DPY19L4: variants seen among roughly 807,000 people sequenced by gnomAD.
The protein encoded by DPY19L4 is probable C-mannosyltransferase DPY19L4.
Under a neutral mutation model 102.8 loss-of-function variants are expected in DPY19L4, and 97 were observed. That is an observed-to-expected ratio of 0.94 (90% CI 0.80 to 1.12). DPY19L4 has a LOEUF of 1.12. Ranked by LOEUF, DPY19L4 falls within the 50% of genes most tolerant of loss-of-function variation. The probability of loss-of-function intolerance (pLI) is 0.00; values close to 1 mark genes in which losing one functional copy is unlikely to be tolerated. For synonymous variants in DPY19L4, 252 were observed against 283.1 expected, an observed-to-expected ratio of 0.89 and a Z score of 1.10; for missense variants, 815 against 850.4, an observed-to-expected ratio of 0.96 and a Z score of 0.52.
rs1813916429 is a variant in DPY19L4, at chr8:94,792,537, TGCGCCCG to T, written c.*2632_*2638del. ...TGCTGGGATTACAGACGTGAGCCAC[TGCGCCCG>T]GCGCAAGTCTTTGTTAAAAGTAGAG... is the stretch of plus-strand genomic sequence containing the variant. On this transcript the variant is annotated 3_prime_UTR_variant, in exon 19 of 19. Transcript: ENST00000414645. The T allele has an allele frequency of 6.8e-6, 1 of 147,752 alleles. No homozygotes were observed. The highest frequency in any genetic ancestry group is 2.3e-4 in the East Asian group (1 of 4,430). The allele number at this position is 147,752 out of a possible 1,614,324, so 9.2% of individuals were successfully genotyped here. A position where few individuals can be genotyped will look rare whatever the true frequency, so the allele number is the denominator to read the frequency against.
intron 10 of DPY19L4, 51 bp from the exon 11 acceptor site, chr8:94,766,561 T>C: frequency 1.3e-6 from 2 of 1,554,468 alleles, no homozygotes; most frequent in African/African-American, 1.4e-5. Flanking sequence ...AAGCATATGT[T>C]TGTAAGCATA....
intron 6 of DPY19L4, among the ~76,000 whole-genome samples, chr8:94,747,881 A>C (rs532044575): frequency 6.6e-6 from 1 of 152,184 alleles, no homozygotes; most frequent in South Asian, 2.1e-4. Context: ...GTTTCTAAAC[A>C]TTAAAATGAA....
In DPY19L4 at chr8:94,756,915, C is replaced by A. The variant is rs527906284; in HGVS notation, c.735+756C>A. Among the ~76,000 whole-genome samples the A allele has an allele frequency of 2.8e-4, 43 of 152,262 alleles. No homozygotes were observed. In the South Asian group the frequency reaches 8.9e-3, roughly 32 times the overall value. ...TGGCACACGCCTGTAATCCCAGCTA[C>A]TTGGGAGGCTGAGGTGGGAGGATCC... On this transcript the variant is annotated intron_variant, in intron 7 of 18. Transcript: ENST00000414645.
rs1468666810 is a variant in DPY19L4, at chr8:94,780,352, A to G, written c.1576-7A>G. ...TATTTGTAATCCTTTTTGCTTTAAT[A>G]TTTTAGGCTCTTATTCTGAGCATGG... On this transcript the variant is annotated splice_polypyrimidine_tract_variant and splice_region_variant and intron_variant, in intron 14 of 18. Transcript: ENST00000414645. The G allele has an allele frequency of 6.8e-7, 1 of 1,464,416 alleles. No individual in the cohort carries two copies. The highest frequency in any genetic ancestry group is 1.4e-5 in the African/African-American group (1 of 72,476). 90.7% of individuals were successfully genotyped at this position (1,464,416 alleles called of 1,614,324 possible). A position where few individuals can be genotyped will look rare whatever the true frequency, so the allele number is the denominator to read the frequency against.
chr8:94,720,930 T>C (rs1304364855), intron 1 of DPY19L4, among the ~76,000 whole-genome samples: 5 of 152,134 alleles, frequency 3.3e-5, no homozygotes, highest in Admixed American at 1.3e-4. Flanking sequence ...ATCGATCTAA[T>C]TTAGACTCAA....
chr8:94,731,055 CAAAA>C (rs57246749), intron 2 of DPY19L4, among the ~76,000 whole-genome samples: 41 of 103,256 alleles, frequency 4.0e-4, no homozygotes, highest in African/African-American at 1.2e-3. Context: ...AACTCTGTCT[CAAAA>C]AAAAAAAAAA....
At chr8:94,749,044 G>T (rs1811803811) in intron 6 of DPY19L4, among the ~76,000 whole-genome samples, 1 of 152,202 alleles carries the variant, frequency 6.6e-6, no homozygotes, top group African/African-American at 2.4e-5. Context: ...GACAAGAGAA[G>T]AGAGCTTATG....
intron 2 of DPY19L4, among the ~76,000 whole-genome samples, chr8:94,733,955 G>A (rs1027605528): frequency 6.6e-6 from 1 of 151,752 alleles, no homozygotes; most frequent in Non-Finnish European, 1.5e-5. Context: ...TTTTACATTA[G>A]TATGGTACAT....
chr8:94,792,159 AG>A lies in DPY19L4; in HGVS notation c.*2250del, dbSNP rs1490900134. On this transcript the variant is annotated 3_prime_UTR_variant, in exon 19 of 19. Coordinates refer to ENST00000414645, the MANE Select transcript of DPY19L4 (RefSeq NM_181787.3). ...GTTTTGGGTGGAAGGAATTTCTCAA[AG>A]AAATAAAAAATGTTCTTTGCCCTTG... 2.6e-5 allele frequency: 4 copies of A among 152,190 alleles called. No homozygotes were observed. The highest frequency in any genetic ancestry group is 4.4e-5 in the Non-Finnish European group (3 of 68,020). 9.4% of individuals were successfully genotyped at this position (152,190 alleles called of 1,614,324 possible).
intron 6 of DPY19L4, among the ~76,000 whole-genome samples, chr8:94,743,121 G>A (rs1172509240): frequency 1.3e-5 from 2 of 151,850 alleles, no homozygotes; most frequent in East Asian, 1.9e-4. Context: ...TCTGCCTCCC[G>A]CATTCAAGTG....
rs143978477 is a variant in DPY19L4 at position 94,766,483 on chromosome 8, A to G, written c.1102-129A>G. ...GTAAATCTCCTTGCTTCATAGTCAT[A>G]CCGTATATTATTTATTCATATTTTT... On this transcript the variant is annotated intron_variant, in intron 10 of 18. Transcript: ENST00000414645. 739 of 730,010 alleles carry G rather than the reference A, an allele frequency of 1.0e-3. 3 individuals are homozygous for G. The highest frequency in any genetic ancestry group is 1.5e-3 in the Non-Finnish European group (695 of 448,614). The allele number at this position is 730,010 out of a possible 1,614,324, so 45.2% of individuals were successfully genotyped here. A position where few individuals can be genotyped will look rare whatever the true frequency, so the allele number is the denominator to read the frequency against.
chr8:94,765,849 A>G lies in DPY19L4; in HGVS notation c.1101+40A>G, dbSNP rs554945678. On this transcript the variant is annotated intron_variant, in intron 10 of 18. Transcript: ENST00000414645. ...GGGATTCATATAGTAAAACAAAATG[A>G]ATAATGAAATATATTGGACTACATT... 25 of 1,195,288 alleles carry G rather than the reference A, an allele frequency of 2.1e-5. 2 individuals are homozygous for G. The South Asian group carries it at 2.8e-4, about 13-fold the overall frequency. The allele number at this position is 1,195,288 out of a possible 1,614,324, so 74.0% of individuals were successfully genotyped here. A position where few individuals can be genotyped will look rare whatever the true frequency, so the allele number is the denominator to read the frequency against.
In DPY19L4 at chr8:94,793,498, T is replaced by C. The variant is rs538933906; in HGVS notation, c.*3588T>C. On this transcript the variant is annotated 3_prime_UTR_variant, in exon 19 of 19. Transcript: ENST00000414645. ...GGTGTATGTTATTAATTAATCTGCA[T>C]ATTTGTAACGCAAATAACTACTTCC... The C allele has an allele frequency of 1.3e-5, 2 of 152,222 alleles. No homozygotes were observed. Among genetic ancestry groups the C allele is most frequent in the African/African-American group, 4.8e-5 (2 of 41,476 alleles). 9.4% of individuals were successfully genotyped at this position (152,222 alleles called of 1,614,324 possible). A position where few individuals can be genotyped will look rare whatever the true frequency, so the allele number is the denominator to read the frequency against.
intron 2 of DPY19L4, among the ~76,000 whole-genome samples, chr8:94,732,718 A>C (rs1362301273): frequency 2.0e-5 from 3 of 151,696 alleles, no homozygotes; most frequent in Non-Finnish European, 4.4e-5. Flanking sequence ...ATGAACCTGT[A>C]CTTTTTTTGA....
At chr8:94,724,361 A>T (rs1360023159) in intron 1 of DPY19L4, among the ~76,000 whole-genome samples, 3 of 152,228 alleles carry the variant, frequency 2.0e-5, no homozygotes, top group Admixed American at 2.0e-4. Flanking sequence ...TTTTAAAATA[A>T]AATTAAAAAC....
At chr8:94,720,217 G>C in intron 1 of DPY19L4, 3 of 985,344 alleles carry the variant, frequency 3.0e-6, no homozygotes, top group Non-Finnish European at 3.6e-6. Context: ...AAGTTTTGTC[G>C]GCCGAATTGG....
At chr8:94,752,380 C>T (rs115618446) in intron 6 of DPY19L4, among the ~76,000 whole-genome samples, 2,960 of 151,696 alleles carry the variant, frequency 0.02, 91 homozygotes, top group African/African-American at 0.068. Flanking sequence ...GTTAAGAGAT[C>T]GAGGAGATCA....
At chr8:94,726,897 A>G (rs1189504963) in intron 2 of DPY19L4, among the ~76,000 whole-genome samples, 1 of 152,204 alleles carries the variant, frequency 6.6e-6, no homozygotes, top group Non-Finnish European at 1.5e-5. Flanking sequence ...GATATATAAG[A>G]TTTTTAAAGG....
rs766066191 is a variant in DPY19L4, at chr8:94,771,252, C to T, written c.1454+681C>T. Reference sequence around the variant, plus strand: ...TTTAATGGTAATAAGTAGATACATCCAAGAATGCATTCATAAAACTTCATA... The same window carrying T: ...TTTAATGGTAATAAGTAGATACATCTAAGAATGCATTCATAAAACTTCATA... On this transcript the variant is annotated intron_variant, in intron 13 of 18. Transcript: ENST00000414645. 3.9e-5 allele frequency among the ~76,000 whole-genome samples: 6 copies of T among 152,230 alleles called. No homozygotes were observed. In the Middle Eastern group the frequency reaches 0.01, roughly 259 times the overall value.
Sources: allele counts gnomAD v4.1 joint callset (sites outside exome capture counted in the v4.1 genomes callset), GRCh38; gene constraint gnomAD v4.1.1; transcripts MANE v1.5; gene names NCBI Gene and HGNC (gene_info 2026-07-23, HGNC 2026-07-21).